The following DYDC1 variants were observed in gnomAD, a reference collection of about 807,000 sequenced individuals.
DYDC1 encodes DPY30 domain containing 1, also known as DPY30 domain-containing protein 1.
A neutral mutation model predicts 27.9 loss-of-function variants in DYDC1; 21 were observed. That is an observed-to-expected ratio of 0.75 (90% CI 0.53 to 1.08). DYDC1 has a LOEUF of 1.08. Among genes scored for constraint, DYDC1 ranks in the 50% least tolerant of loss-of-function variants. The pLI is 0.00. For synonymous variants in DYDC1, 67 were observed against 65.8 expected, an observed-to-expected ratio of 1.02 and a Z score of -0.09; for missense variants, 202 against 205.9, an observed-to-expected ratio of 0.98 and a Z score of 0.12.
chr10:80,339,209 G>A (rs1436641439), intron 4 of DYDC1, 56 bp from the exon 5 acceptor site: 1 of 817,104 alleles, frequency 1.2e-6, no homozygotes, highest in African/African-American at 1.8e-5. Context: ...TTGATTTCAT[G>A]TTTAATTTTT....
chr10:80,349,956 A>G (rs776005255), intron 3 of DYDC1, among the ~76,000 whole-genome samples: 1 of 152,234 alleles, frequency 6.6e-6, no homozygotes, highest in East Asian at 1.9e-4. Flanking sequence ...GGTACTGACT[A>G]TGAGGACAAC....
chr10:80,356,399 G>A (rs1843369630), intron 1 of DYDC1: 14 of 985,498 alleles, frequency 1.4e-5, no homozygotes, highest in South Asian at 4.7e-5. Context: ...ACTGGGCGGG[G>A]GCACCCGGGC....
chr10:80,341,546 G>A (rs764584079), intron 4 of DYDC1, among the ~76,000 whole-genome samples: 2 of 148,806 alleles, frequency 1.3e-5, no homozygotes, highest in Non-Finnish European at 3.0e-5. Flanking sequence ...AATTCTTGTT[G>A]TTAATACATT....
At chr10:80,343,533 G>C (rs960445455) in intron 3 of DYDC1, among the ~76,000 whole-genome samples, 2 of 152,068 alleles carry the variant, frequency 1.3e-5, no homozygotes, top group Non-Finnish European at 2.9e-5. Context: ...CAGCTACTCA[G>C]GAGCGAGGCA....
chr10:80,338,436 G>A (rs1169820231), intron 6 of DYDC1, 31 bp downstream of exon 6: 17 of 1,606,536 alleles, frequency 1.1e-5, no homozygotes, highest in African/African-American at 5.4e-5. Flanking sequence ...AAACAAAAAC[G>A]AGTTTTTTCA....
At chr10:80,353,988 C>T (rs1843176427) in intron 1 of DYDC1, among the ~76,000 whole-genome samples, 1 of 150,866 alleles carries the variant, frequency 6.6e-6, no homozygotes, top group African/African-American at 2.4e-5. Context: ...TGGTGGCGGG[C>T]GCCTGTAGTC....
chr10:80,337,473 A>AC (rs1842172264), intron 6 of DYDC1: 1 of 979,036 alleles, frequency 1.0e-6, no homozygotes. Context: ...ATCTCCTGAC[A>AC]CCTACTTCTC....
chr10:80,338,654 T>C, intron 5 of DYDC1, 83 bp from the exon 6 acceptor site: 1 of 1,350,872 alleles, frequency 7.4e-7, no homozygotes, highest in African/African-American at 1.5e-5. Flanking sequence ...TTAAAAATTT[T>C]CTGATTTATA....
At chr10:80,338,078 A>C in intron 6 of DYDC1, 1 of 985,384 alleles carries the variant, frequency 1.0e-6, no homozygotes, top group Non-Finnish European at 1.2e-6. Flanking sequence ...TCTTAAATAA[A>C]CAAATGTACT....
intron 6 of DYDC1, chr10:80,338,074 A>G: frequency 1.0e-6 from 1 of 985,364 alleles, no homozygotes; most frequent in Non-Finnish European, 1.2e-6. Context: ...TGTTTCTTAA[A>G]TAAACAAATG....
At chr10:80,352,652 A>G in intron 1 of DYDC1, 42 bp from the exon 2 acceptor site, 4 of 1,568,684 alleles carry the variant, frequency 2.5e-6, no homozygotes, top group Non-Finnish European at 3.4e-6. Flanking sequence ...GATATTTTCA[A>G]TAAAGTCACT....
intron 1 of DYDC1, chr10:80,352,835 A>G (rs567645032): frequency 6.2e-5 from 25 of 400,436 alleles, no homozygotes; most frequent in Non-Finnish European, 1.0e-4. Flanking sequence ...ATCCTGAAGG[A>G]CTCTCAAGTC....
At chr10:80,355,642 G>C (rs1240169297) in intron 1 of DYDC1, among the ~76,000 whole-genome samples, 1 of 152,158 alleles carries the variant, frequency 6.6e-6, no homozygotes, top group Non-Finnish European at 1.5e-5. Flanking sequence ...AGATGTACAA[G>C]AGAATGAAGA....
chr10:80,339,053 A>G (rs1842230021), intron 5 of DYDC1, 44 bp downstream of exon 5: 4 of 1,092,922 alleles, frequency 3.7e-6, no homozygotes, highest in Non-Finnish European at 5.2e-6. Context: ...ATTCTAGGAT[A>G]CTCAATTCAT....
In DYDC1 at chr10:80,352,516, G is replaced by T; in HGVS notation, c.86C>A (p.Pro29Gln). The change falls in exon 2 of 7, where the codon CCG becomes CAG. Residue 29 changes from proline to glutamine, a missense_variant. Coordinates refer to ENST00000372202, the MANE Select transcript of DYDC1 (RefSeq NM_001269053.2). ...AATCCACAATGCTAAATATTCTATCGGATCCACTGGGCGAACTCTTGCCAC... is the reference window on the plus strand; with the variant it reads ...AATCCACAATGCTAAATATTCTATCTGATCCACTGGGCGAACTCTTGCCAC... The part of the protein sequence containing the change: ...AEVARVRPVD[P>Q]IEYLALWIYK... 6.2e-7 allele frequency: 1 copy of T among 1,613,108 alleles called. No individual in the cohort carries two copies. The highest frequency in any genetic ancestry group is 8.5e-7 in the Non-Finnish European group (1 of 1,179,666).
chr10:80,336,076 GA>G (rs915472369), downstream of DYDC1: 6 of 980,414 alleles, frequency 6.1e-6, no homozygotes, highest in African/African-American at 1.7e-5. Context: ...AAGTTTGAAG[GA>G]AAAAAATACA....
At chr10:80,356,019 C>T (rs2132865599) in intron 1 of DYDC1, among the ~76,000 whole-genome samples, 1 of 150,580 alleles carries the variant, frequency 6.6e-6, no homozygotes, top group African/African-American at 2.4e-5. Context: ...GCACAGACTC[C>T]TGTTGCTGCT....
intron 4 of DYDC1, among the ~76,000 whole-genome samples, chr10:80,340,867 T>C (rs1216152258): frequency 6.6e-6 from 1 of 152,220 alleles, no homozygotes; most frequent in South Asian, 2.1e-4. Context: ...TGTGTATGTG[T>C]GCATACAGGC....
chr10:80,356,475 G>A (rs868394875), intron 1 of DYDC1: 1 of 985,342 alleles, frequency 1.0e-6, no homozygotes, highest in Non-Finnish European at 1.2e-6. Flanking sequence ...TTTCCCACCC[G>A]GGAGTCTGGA....
Sources: gnomAD v4.1 joint callset for allele counts (sites outside exome capture counted in the v4.1 genomes callset) on GRCh38, gnomAD v4.1.1 for gene constraint, MANE v1.5 for transcripts, NCBI Gene and HGNC (gene_info 2026-07-23, HGNC 2026-07-21) for gene names.